CDH4: variants seen among roughly 807,000 people sequenced by gnomAD.
CDH4 encodes the protein cadherin-4.
A neutral mutation model predicts 86.0 loss-of-function variants in CDH4; 33 were observed. The observed-to-expected ratio is 0.38, with a 90% CI of 0.29 to 0.51. The LOEUF (loss-of-function observed/expected upper bound fraction) is 0.51, where lower values mean the gene tolerates loss of function less well. CDH4 is among the 20% of genes least tolerant of loss of function. The pLI, the probability that CDH4 is intolerant of heterozygous loss-of-function variation, is 0.86. For synonymous variants in CDH4, 555 were observed against 549.4 expected (o/e 1.01, Z -0.14); for missense variants, 1,114 against 1,307.4 (o/e 0.85, Z 2.28).
intron 9 of CDH4, among the ~76,000 whole-genome samples, chr20:61,915,420 G>A (rs138666506): frequency 2.0e-5 from 3 of 152,204 alleles, no homozygotes; most frequent in African/African-American, 4.8e-5. Context: ...GAGGGGACAC[G>A]GAGGCTTGAG....
intron 2 of CDH4, among the ~76,000 whole-genome samples, chr20:61,650,591 C>T (rs546300395): frequency 4.5e-4 from 68 of 152,304 alleles, no homozygotes; most frequent in African/African-American, 1.6e-3. Context: ...AGGCCCTGTG[C>T]ACAGCCAGGA....
chr20:61,429,686 G>A lies in CDH4; in HGVS notation c.169+174749G>A, dbSNP rs142143664. 8.1e-3 allele frequency among the ~76,000 whole-genome samples: 1,231 copies of A among 151,522 alleles called. 13 individuals carry two copies. The highest frequency in any genetic ancestry group is 0.029 in the African/African-American group (1,178 of 41,290). ...GGGTGGGTGGATGGATGGGTGGATA[G>A]ATGGGTGGATGGATGGGTGGATAGA... On this transcript the variant is annotated intron_variant, in intron 2 of 15. Coordinates refer to ENST00000614565, the MANE Select transcript of CDH4 (RefSeq NM_001794.5).
chr20:61,298,076 G>A (rs541520442), intron 2 of CDH4, among the ~76,000 whole-genome samples: 3 of 152,338 alleles, frequency 2.0e-5, no homozygotes, highest in Admixed American at 1.3e-4. Flanking sequence ...GTGCAGGCGG[G>A]TTCAGCAACT....
chr20:61,615,890 C>T (rs1451948183), intron 2 of CDH4, among the ~76,000 whole-genome samples: 3 of 152,214 alleles, frequency 2.0e-5, no homozygotes, highest in Non-Finnish European at 4.4e-5. Flanking sequence ...TGGTCAAATG[C>T]CTTCGGTGGG....
chr20:61,884,550 A>G (rs1382413242), intron 7 of CDH4, among the ~76,000 whole-genome samples: 1 of 151,790 alleles, frequency 6.6e-6, no homozygotes, highest in Non-Finnish European at 1.5e-5. Context: ...AGCAGGGGTG[A>G]TCTCTCGGTG....
chr20:61,481,660 A>G (rs1321235744), intron 2 of CDH4, among the ~76,000 whole-genome samples: 1 of 152,252 alleles, frequency 6.6e-6, no homozygotes, highest in African/African-American at 2.4e-5. Flanking sequence ...GCTCCTTGCT[A>G]GAGCACAAGT....
At chr20:61,271,268 C>T (rs1056454939) in intron 2 of CDH4, among the ~76,000 whole-genome samples, 1 of 152,272 alleles carries the variant, frequency 6.6e-6, no homozygotes, top group Non-Finnish European at 1.5e-5. Context: ...GAGGGGACAG[C>T]GCAAAGGTTC....
chr20:61,380,854 C>T (rs1160055351), intron 2 of CDH4, among the ~76,000 whole-genome samples: 1 of 152,142 alleles, frequency 6.6e-6, no homozygotes, highest in Non-Finnish European at 1.5e-5. Context: ...CTGTTGCATC[C>T]GAAGTATTTC....
At chr20:61,851,312 A>G (rs73915105) in intron 5 of CDH4, among the ~76,000 whole-genome samples, 2,226 of 152,274 alleles carry the variant, frequency 0.015, 50 homozygotes, top group African/African-American at 0.051. Context: ...TAAACACACA[A>G]TGTAGGGGGT....
At chr20:61,667,403 G>A (rs1283581733) in intron 2 of CDH4, among the ~76,000 whole-genome samples, 7 of 152,220 alleles carry the variant, frequency 4.6e-5, no homozygotes, top group East Asian at 3.8e-4. Context: ...TGAGGAAACC[G>A]GGGAACAGAG....
In CDH4 at chr20:61,256,990, C is replaced by T. The variant is rs533459042; in HGVS notation, c.169+2053C>T. 2.6e-5 allele frequency among the ~76,000 whole-genome samples: 4 copies of T among 152,278 alleles called. No individual in the cohort carries two copies. The East Asian group carries it at 5.8e-4, about 22-fold the overall frequency. ...GGGCACAGTGACATTTCTCTCTGTA[C>T]GCAGAGTACTTTGAAACTACAAGAC... is the stretch of plus-strand genomic sequence containing the variant. On this transcript the variant is annotated intron_variant, in intron 2 of 15. Coordinates refer to ENST00000614565, the MANE Select transcript of CDH4 (RefSeq NM_001794.5).
At position 61,663,607 on chromosome 20, in the gene CDH4, C is replaced by T. The variant is rs1442739176; in HGVS notation, c.170-79956C>T. On this transcript the variant is annotated intron_variant, in intron 2 of 15. Coordinates refer to ENST00000614565, the MANE Select transcript of CDH4 (RefSeq NM_001794.5). The surrounding 1 kb of genome is among the most constrained non-coding windows in gnomAD (Gnocchi z 5.0). ...TCGGGAGCTGCTGGGACGGCAGGAC[C>T]GGGTGTGTGTGTCCAAGAGACCATC... is the stretch of plus-strand genomic sequence containing the variant. Among the ~76,000 whole-genome samples the T allele has an allele frequency of 6.6e-6, 1 of 152,028 alleles. No individual in the cohort carries two copies. The highest frequency in any genetic ancestry group is 2.4e-5 in the African/African-American group (1 of 41,388).
chr20:61,752,329 CAAAAAAAAAA>C (rs34828485), intron 3 of CDH4, among the ~76,000 whole-genome samples: 15 of 83,144 alleles, frequency 1.8e-4, no homozygotes, highest in African/African-American at 5.5e-4. Flanking sequence ...AAAAGCCTGT[CAAAAAAAAAA>C]AAAAAAAAAA....
intron 2 of CDH4, among the ~76,000 whole-genome samples, chr20:61,260,452 C>T (rs1338462624): frequency 6.6e-6 from 1 of 152,208 alleles, no homozygotes; most frequent in Non-Finnish European, 1.5e-5. Flanking sequence ...TGATGCTTCT[C>T]CAGGAAGTCA....
In CDH4 at chr20:61,895,273, G is replaced by A. The variant is rs371519806; in HGVS notation, c.1188+226G>A. The stretch of plus-strand genomic sequence containing the variant: ...TCAGTCAGGGAGGGGACCGGCGGCG[G>A]AGGTCGGTTGCCACCTGGGAGGCAT... On this transcript the variant is annotated intron_variant, in intron 8 of 15. Transcript: ENST00000614565. Among the ~76,000 whole-genome samples the A allele has an allele frequency of 3.3e-5, 5 of 152,246 alleles. No individual in the cohort carries two copies. The East Asian group carries it at 9.6e-4, about 29-fold the overall frequency.
intron 2 of CDH4, among the ~76,000 whole-genome samples, chr20:61,329,754 A>C (rs1418968260): frequency 6.6e-6 from 1 of 152,180 alleles, no homozygotes; most frequent in Non-Finnish European, 1.5e-5. Context: ...ATAGGCAAGC[A>C]TGTGCCGTGG....
intron 2 of CDH4, among the ~76,000 whole-genome samples, chr20:61,705,757 A>G (rs2087822644): frequency 6.6e-6 from 1 of 152,232 alleles, no homozygotes; most frequent in Non-Finnish European, 1.5e-5. Flanking sequence ...GTGTGAGCCC[A>G]GTGATGTTTT....
chr20:61,672,625 G>A (rs935594250), intron 2 of CDH4, among the ~76,000 whole-genome samples: 12 of 152,322 alleles, frequency 7.9e-5, no homozygotes, highest in East Asian at 7.7e-4. Flanking sequence ...CTGAGACCAC[G>A]GGAGGGGCAG....
At chr20:61,744,902 C>G (rs1390202598) in intron 3 of CDH4, among the ~76,000 whole-genome samples, 3 of 152,192 alleles carry the variant, frequency 2.0e-5, no homozygotes, top group African/African-American at 7.2e-5. Context: ...ACTGCGCCAG[C>G]CTTCAGGTGT....
Sources: allele counts gnomAD v4.1 joint callset (sites outside exome capture counted in the v4.1 genomes callset), GRCh38; gene constraint gnomAD v4.1.1; non-coding constraint Gnocchi (gnomAD v3.1); transcripts MANE v1.5; gene names NCBI Gene and HGNC (gene_info 2026-07-23, HGNC 2026-07-21).